Variants in NYAP2 observed in about 807,000 individuals in gnomAD.
The protein encoded by NYAP2 is neuronal tyrosine-phosphorylated phosphoinositide-3-kinase adaptor 2, also known as neuronal tyrosine-phosphorylated phosphoinositide-3-kinase adapter 2.
In NYAP2, 23 loss-of-function variants were observed where a neutral mutation model predicts 50.4. The ratio of observed to expected loss-of-function variants is 0.46; its 90% CI spans 0.33 to 0.65. NYAP2 has a LOEUF of 0.65. NYAP2 is among the 30% of genes least tolerant of loss of function. The pLI is 0.02. For synonymous variants in NYAP2, 394 were observed against 365.2 expected (o/e 1.08, Z -0.90); for missense variants, 885 against 861.0 (o/e 1.03, Z -0.35).
intron 4 of NYAP2, among the ~76,000 whole-genome samples, chr2:225,535,064 C>A (rs1236441801): frequency 2.0e-5 from 3 of 152,272 alleles, no homozygotes; most frequent in Non-Finnish European, 4.4e-5. Context: ...TACATAATGG[C>A]CTGAGATCAG....
intron 3 of NYAP2, among the ~76,000 whole-genome samples, chr2:225,460,452 T>G (rs1246494595): frequency 6.6e-6 from 1 of 152,224 alleles, no homozygotes; most frequent in Non-Finnish European, 1.5e-5. Context: ...ATGTTTATTG[T>G]TTCATGCTGG....
the NYAP2 span, among the ~76,000 whole-genome samples, chr2:225,696,713 G>A: frequency 6.6e-6 from 1 of 152,028 alleles, no homozygotes; most frequent in Non-Finnish European, 1.5e-5. Context: ...TTCTAGTTCT[G>A]TGTATACATA....
intron 3 of NYAP2, among the ~76,000 whole-genome samples, chr2:225,433,340 A>G (rs1689299359): frequency 7.2e-6 from 1 of 139,632 alleles, no homozygotes; most frequent in African/African-American, 2.7e-5. Flanking sequence ...TGTGCAAAGT[A>G]GTGAGACCCT....
intron 3 of NYAP2, among the ~76,000 whole-genome samples, chr2:225,424,288 A>C (rs1361893036): frequency 6.6e-6 from 1 of 152,116 alleles, no homozygotes; most frequent in Non-Finnish European, 1.5e-5. Context: ...CAAATTAATC[A>C]ATCTCATCTG....
chr2:225,487,252 A>G (rs1690316944), intron 3 of NYAP2, among the ~76,000 whole-genome samples: 1 of 152,108 alleles, frequency 6.6e-6, no homozygotes, highest in Non-Finnish European at 1.5e-5. Context: ...CATACATGAG[A>G]TCTCTCAGGA....
intron 3 of NYAP2, among the ~76,000 whole-genome samples, chr2:225,510,443 T>C (rs1364123742): frequency 6.6e-6 from 1 of 152,224 alleles, no homozygotes; most frequent in African/African-American, 2.4e-5. Context: ...TCAACAGGTA[T>C]GATTCAATCA....
the NYAP2 span, among the ~76,000 whole-genome samples, chr2:225,693,620 T>C: frequency 2.0e-5 from 3 of 152,140 alleles, no homozygotes; most frequent in Non-Finnish European, 4.4e-5. Context: ...AAAGACACTC[T>C]TCCTGGTTGC....
intron 3 of NYAP2, among the ~76,000 whole-genome samples, chr2:225,493,430 T>C (rs777352524): frequency 6.6e-6 from 1 of 152,244 alleles, no homozygotes; most frequent in Non-Finnish European, 1.5e-5. Flanking sequence ...TGCTTAGTCA[T>C]GTTTATCTAA....
chr2:225,492,485 A>G (rs1690426842), intron 3 of NYAP2, among the ~76,000 whole-genome samples: 1 of 152,228 alleles, frequency 6.6e-6, no homozygotes, highest in South Asian at 2.1e-4. Flanking sequence ...GTCACATAAG[A>G]AATGTATTTG....
chr2:225,459,620 CTATTTATTTATT>C (rs546809089), intron 3 of NYAP2, among the ~76,000 whole-genome samples: 2 of 151,592 alleles, frequency 1.3e-5, no homozygotes, highest in African/African-American at 4.9e-5. Context: ...ATTTTTTCCT[CTATTTATTTATT>C]TATTTATTTA....
chr2:225,406,494 C>T (rs936883454), intron 2 of NYAP2, among the ~76,000 whole-genome samples: 1 of 151,786 alleles, frequency 6.6e-6, no homozygotes, highest in Non-Finnish European at 1.5e-5. Flanking sequence ...AACACTGCCA[C>T]GAAGACATCT....
chr2:225,601,155 G>A (rs1384688494), intron 5 of NYAP2, among the ~76,000 whole-genome samples: 1 of 137,346 alleles, frequency 7.3e-6, no homozygotes, highest in Non-Finnish European at 1.5e-5. Flanking sequence ...ATGGAGTCTT[G>A]CTGTCCCCAG....
chr2:225,618,661 T>C (rs916012263), intron 5 of NYAP2, among the ~76,000 whole-genome samples: 3 of 152,128 alleles, frequency 2.0e-5, no homozygotes, highest in Non-Finnish European at 4.4e-5. Context: ...AGAGCAAATA[T>C]AGAGAAAACA....
At chr2:225,609,462 C>T (rs1028353052) in intron 5 of NYAP2, among the ~76,000 whole-genome samples, 10 of 152,108 alleles carry the variant, frequency 6.6e-5, no homozygotes, top group East Asian at 1.9e-4. Context: ...ATCAGCTTTT[C>T]GTAGGACAAA....
intron 5 of NYAP2, among the ~76,000 whole-genome samples, chr2:225,611,901 TACACACACACACACACACACACAC>T (rs147331159): frequency 6.9e-6 from 1 of 145,616 alleles, no homozygotes; most frequent in South Asian, 2.2e-4. Context: ...TGTGTGTGTA[TACACACACACACACACACACACAC>T]ACACACACAC....
intron 5 of NYAP2, among the ~76,000 whole-genome samples, chr2:225,607,683 G>T (rs1692812222): frequency 1.4e-5 from 1 of 70,252 alleles, no homozygotes. Flanking sequence ...CCCTCTAGGA[G>T]ATTTTTATCA....
chr2:225,621,615 A>C (rs563682717), intron 5 of NYAP2, among the ~76,000 whole-genome samples: 1 of 152,238 alleles, frequency 6.6e-6, no homozygotes, highest in South Asian at 2.1e-4. Flanking sequence ...CTAAGATGGG[A>C]AATTTTATGT....
In NYAP2 at chr2:225,639,278, G is replaced by A. The variant is rs897490169; in HGVS notation, c.1828+12152G>A. Among the ~76,000 whole-genome samples, 3 of 152,072 alleles carry A rather than the reference G, an allele frequency of 2.0e-5. 1 individual carries two copies. In the East Asian group the frequency reaches 5.8e-4, roughly 29 times the overall value. On this transcript the variant is annotated intron_variant, in intron 6 of 6. Coordinates refer to ENST00000636099, the Ensembl canonical transcript of NYAP2. ...GTATAATTTTTAAAAATTGCTCTAAGGTTATTGCAGATTATATATAACCTG... is the reference window on the plus strand; with the variant it reads ...GTATAATTTTTAAAAATTGCTCTAAAGTTATTGCAGATTATATATAACCTG...
intron 3 of NYAP2, among the ~76,000 whole-genome samples, chr2:225,492,287 C>T (rs1051998800): frequency 2.0e-5 from 3 of 152,202 alleles, no homozygotes; most frequent in African/African-American, 7.2e-5. Context: ...TAAGACTCTA[C>T]ACTTGGAATA....
Sources: gnomAD v4.1 joint callset for allele counts (sites outside exome capture counted in the v4.1 genomes callset) on GRCh38, gnomAD v4.1.1 for gene constraint, MANE v1.5 for transcripts, NCBI Gene and HGNC (gene_info 2026-07-23, HGNC 2026-07-21) for gene names.